Variants in CSMD1 observed in about 807,000 individuals in gnomAD.
CSMD1 encodes the protein CUB and Sushi multiple domains 1.
CSMD1 carries 213 observed loss-of-function variants against 417.5 expected under a neutral mutation model. The observed-to-expected ratio is 0.51, with a 90% CI of 0.46 to 0.57. CSMD1 has a LOEUF of 0.57. Ranked by LOEUF, CSMD1 falls within the 20% of genes least tolerant of loss-of-function variation. The pLI is 0.00. For missense variants in CSMD1, 6,923 were observed against 4,529.7 expected, an observed-to-expected ratio of 1.53 and a Z score of -15.17; for synonymous variants, 2,862 against 1,736.8, an observed-to-expected ratio of 1.65 and a Z score of -16.11.
chr8:4,090,777 A>G (rs1800675758), intron 3 of CSMD1, among the ~76,000 whole-genome samples: 1 of 152,228 alleles, frequency 6.6e-6, no homozygotes, highest in Non-Finnish European at 1.5e-5. Context: ...GTTATAATTA[A>G]TAATTCACTG....
At chr8:4,004,183 T>C (rs1347554373) in intron 4 of CSMD1, among the ~76,000 whole-genome samples, 2 of 152,118 alleles carry the variant, frequency 1.3e-5, no homozygotes, top group African/African-American at 4.8e-5. Flanking sequence ...TGTGGTATTA[T>C]AGTAATATAA....
At chr8:3,758,089 G>C (rs998416049) in intron 5 of CSMD1, among the ~76,000 whole-genome samples, 2 of 152,004 alleles carry the variant, frequency 1.3e-5, no homozygotes, top group East Asian at 2.0e-4. Flanking sequence ...TCAGCCTCCT[G>C]AGTAGCTGGG....
At chr8:3,075,929 T>C (rs1446506800) in intron 49 of CSMD1, among the ~76,000 whole-genome samples, 6 of 150,224 alleles carry the variant, frequency 4.0e-5, no homozygotes, top group African/African-American at 7.3e-5. Context: ...CGGGCGCCTG[T>C]AGTCCCAGCT....
chr8:3,565,555 T>C (rs1799669891), intron 10 of CSMD1, among the ~76,000 whole-genome samples: 1 of 152,234 alleles, frequency 6.6e-6, no homozygotes, highest in Non-Finnish European at 1.5e-5. Context: ...AACCTTTTAA[T>C]ACTTCAAATG....
At chr8:4,686,371 T>G (rs755790861) in intron 1 of CSMD1, among the ~76,000 whole-genome samples, 6 of 152,210 alleles carry the variant, frequency 3.9e-5, no homozygotes, top group Non-Finnish European at 7.3e-5. Context: ...CACTCTGACA[T>G]TTGAGAAAAC....
At chr8:3,927,738 G>A (rs559703711) in intron 5 of CSMD1, among the ~76,000 whole-genome samples, 1 of 152,192 alleles carries the variant, frequency 6.6e-6, no homozygotes, top group South Asian at 2.1e-4. Flanking sequence ...AAAAAAAGAA[G>A]ATGCTAATTT....
chr8:4,294,455 T>A (rs953533219), intron 3 of CSMD1, among the ~76,000 whole-genome samples: 2 of 152,148 alleles, frequency 1.3e-5, no homozygotes, highest in Non-Finnish European at 2.9e-5. Flanking sequence ...CAGGCAATGA[T>A]AATGATCTAA....
intron 26 of CSMD1, among the ~76,000 whole-genome samples, chr8:3,259,413 C>A (rs1285309364): frequency 7.4e-6 from 1 of 134,514 alleles, no homozygotes; most frequent in African/African-American, 2.6e-5. Context: ...ATCCTGATGG[C>A]CTGAATGAAT....
At chr8:3,139,374 T>C (rs1818298487) in intron 41 of CSMD1, among the ~76,000 whole-genome samples, 1 of 152,074 alleles carries the variant, frequency 6.6e-6, no homozygotes, top group African/African-American at 2.4e-5. Flanking sequence ...GCCAGAGAGA[T>C]AGCAGAATAA....
chr8:3,805,406 A>C (rs539307673), intron 5 of CSMD1, among the ~76,000 whole-genome samples: 15 of 152,174 alleles, frequency 9.9e-5, no homozygotes, highest in Admixed American at 3.9e-4. Flanking sequence ...AATCACAAGG[A>C]AAGAAGTGGT....
chr8:3,096,944 G>C lies in CSMD1; in HGVS notation c.7043C>G (p.Ser2348Cys), dbSNP rs924664649. The change falls in exon 47 of 70, where the codon TCT (serine) becomes TGT (cysteine). Residue 2348 changes from serine to cysteine, a missense_variant. Physicochemically the swap from Ser to Cys is moderately radical, Grantham distance 112. Transcript: ENST00000635120. The part of the protein sequence containing the change: ...PGNYFNSQTC[S>C]WSIKVEPNYN... The stretch of plus-strand genomic sequence containing the variant: ...GTTTGGTTCCACTTTAATACTCCAA[G>C]AGCAAGTCTGGGAGTTAAAATAATT... 1 of 1,555,662 alleles carries C rather than the reference G, an allele frequency of 6.4e-7. No individual in the cohort carries two copies. Among genetic ancestry groups the C allele is most frequent in the African/African-American group, 1.4e-5 (1 of 73,540 alleles).
chr8:4,629,130 A>T (rs546634999), intron 2 of CSMD1, among the ~76,000 whole-genome samples: 16 of 152,204 alleles, frequency 1.1e-4, no homozygotes, highest in Non-Finnish European at 2.1e-4. Context: ...ATGAAACAAA[A>T]AGCATTCCTT....
At chr8:4,143,133 C>CGGATTGGA (rs57830876) in intron 3 of CSMD1, among the ~76,000 whole-genome samples, 1 of 150,714 alleles carries the variant, frequency 6.6e-6, no homozygotes, top group Non-Finnish European at 1.5e-5. Context: ...TTGGAATTAG[C>CGGATTGGA]ATTTCTAGAG....
At chr8:3,620,837 T>C (rs184764691) in intron 7 of CSMD1, among the ~76,000 whole-genome samples, 2 of 152,306 alleles carry the variant, frequency 1.3e-5, no homozygotes, top group African/African-American at 4.8e-5. Context: ...ATTTTAAATA[T>C]AAATTGATTT....
chr8:4,016,984 A>G (rs919238069), intron 4 of CSMD1, among the ~76,000 whole-genome samples: 2 of 152,198 alleles, frequency 1.3e-5, no homozygotes, highest in African/African-American at 2.4e-5. Flanking sequence ...AAAACCCTGA[A>G]ATCACAATAA....
At chr8:4,795,214 G>A (rs1437658404) in intron 1 of CSMD1, among the ~76,000 whole-genome samples, 2 of 139,280 alleles carry the variant, frequency 1.4e-5, no homozygotes, top group Admixed American at 7.3e-5. Flanking sequence ...ATATTGAGGT[G>A]CAATCAGAAC....
At chr8:4,433,286 G>C (rs771631654) in intron 2 of CSMD1, among the ~76,000 whole-genome samples, 2 of 152,058 alleles carry the variant, frequency 1.3e-5, no homozygotes, top group Non-Finnish European at 2.9e-5. Flanking sequence ...CCACACCCTG[G>C]TCCGTAGAAA....
At chr8:3,668,675 G>A (rs1175509457) in intron 7 of CSMD1, among the ~76,000 whole-genome samples, 1 of 152,126 alleles carries the variant, frequency 6.6e-6, no homozygotes, top group Admixed American at 6.5e-5. Flanking sequence ...GAGGTGTCCA[G>A]AGATCAACCA....
intron 3 of CSMD1, among the ~76,000 whole-genome samples, chr8:4,214,316 G>C (rs953678085): frequency 6.6e-6 from 1 of 152,116 alleles, no homozygotes; most frequent in Non-Finnish European, 1.5e-5. Context: ...TTTATTATTT[G>C]AGAAAAGGTC....
Sources: allele counts gnomAD v4.1 joint callset (sites outside exome capture counted in the v4.1 genomes callset), GRCh38; gene constraint gnomAD v4.1.1; transcripts MANE v1.5; gene names NCBI Gene and HGNC (gene_info 2026-07-23, HGNC 2026-07-21).